Variants in TMEM123 observed in about 807,000 individuals in gnomAD.
TMEM123 encodes the protein porimin.
A neutral mutation model predicts 19.7 loss-of-function variants in TMEM123; 16 were observed. That is an observed-to-expected ratio of 0.81 (90% confidence interval 0.55 to 1.23). The LOEUF (loss-of-function observed/expected upper bound fraction) is 1.23. Ranked by LOEUF, TMEM123 falls within the 50% of genes most tolerant of loss-of-function variation. The pLI is 0.00. For synonymous variants in TMEM123, 118 were observed against 99.4 expected (o/e 1.19, Z -1.12); for missense variants, 313 against 257.8 (o/e 1.21, Z -1.47).
chr11:102,438,215 G>A (rs1034844239), intron 2 of TMEM123, among the ~76,000 whole-genome samples: 4 of 151,988 alleles, frequency 2.6e-5, no homozygotes, highest in African/African-American at 9.7e-5. Context: ...ACCACACCCA[G>A]CTAATTTTTG....
At chr11:102,438,364 A>G (rs1258814966) in intron 2 of TMEM123, among the ~76,000 whole-genome samples, 1 of 152,106 alleles carries the variant, frequency 6.6e-6, no homozygotes, top group Non-Finnish European at 1.5e-5. Context: ...TTTATTTTTA[A>G]TCACAACCCA....
chr11:102,444,048 C>A (rs1857856048), intron 2 of TMEM123, among the ~76,000 whole-genome samples: 1 of 152,156 alleles, frequency 6.6e-6, no homozygotes, highest in Non-Finnish European at 1.5e-5. Context: ...CAGGAAACAA[C>A]AGATGCTGGA....
intron 1 of TMEM123, 36 bp from the exon 2 acceptor site, chr11:102,448,904 C>T (rs1340800856): frequency 3.1e-6 from 5 of 1,602,346 alleles, no homozygotes; most frequent in Admixed American, 1.7e-5. Flanking sequence ...TATGAAAGAA[C>T]ATTTAACTAA....
At chr11:102,449,364 T>C (rs1300590591) in intron 1 of TMEM123, 1 of 153,608 alleles carries the variant, frequency 6.5e-6, no homozygotes, top group African/African-American at 2.4e-5. Context: ...AGGGTTTTAA[T>C]TTTTAAATTA....
intron 4 of TMEM123, 75 bp downstream of exon 4, chr11:102,401,464 G>A (rs938024497): frequency 1.5e-6 from 2 of 1,363,116 alleles, no homozygotes; most frequent in Non-Finnish European, 2.0e-6. Context: ...GATGAGCACT[G>A]GCTTGATATT....
intron 1 of TMEM123, chr11:102,449,156 T>C: frequency 3.1e-6 from 1 of 318,306 alleles, no homozygotes; most frequent in Non-Finnish European, 6.2e-6. Context: ...CCAAAATTCA[T>C]TTACCCACAC....
At position 102,448,597 on chromosome 11, in the gene TMEM123, T is replaced by C. The variant is rs577850; in HGVS notation, c.157+215A>G. Among the ~76,000 whole-genome samples the C allele has an allele frequency of 0.83, 125,962 of 152,182 alleles. 52,783 individuals are homozygous for C. The highest frequency in any genetic ancestry group is 0.99 in the East Asian group (5,149 of 5,188). On this transcript the variant is annotated intron_variant, in intron 2 of 4. Coordinates refer to ENST00000398136, the MANE Select transcript of TMEM123 (RefSeq NM_052932.3). The stretch of plus-strand genomic sequence containing the variant: ...GATACACTTTTTGTTTTAGAATTTA[T>C]TGACATCTTTACAAGACTGAGGAAG...
chr11:102,431,635 T>G (rs937425507), intron 2 of TMEM123, among the ~76,000 whole-genome samples: 23 of 152,256 alleles, frequency 1.5e-4, no homozygotes, highest in African/African-American at 5.3e-4. Flanking sequence ...CATTTGCTTT[T>G]TTAAAGCTGA....
intron 2 of TMEM123, among the ~76,000 whole-genome samples, chr11:102,439,961 CAAAT>C (rs1239196129): frequency 6.6e-6 from 1 of 151,924 alleles, no homozygotes; most frequent in African/African-American, 2.4e-5. Flanking sequence ...GATTGAAGAT[CAAAT>C]GAATGAAATG....
Position 102,431,404 on chromosome 11 carries a change from A to G in TMEM123, c.157+17408T>C, listed in dbSNP as rs374468001. On this transcript the variant is annotated intron_variant, in intron 2 of 4. Coordinates refer to ENST00000398136, the MANE Select transcript of TMEM123 (RefSeq NM_052932.3). ...CTCAAATACTTATTTTTGTGGTGAG[A>G]ACATTGAAATTTTACTCAGCGATTT... Among the ~76,000 whole-genome samples the G allele has an allele frequency of 3.3e-5, 5 of 152,332 alleles. No individual in the cohort carries two copies. In the East Asian group the frequency reaches 9.6e-4, roughly 29 times the overall value.
chr11:102,449,128 C>G (rs562685635), intron 1 of TMEM123: 29 of 339,098 alleles, frequency 8.6e-5, no homozygotes, highest in African/African-American at 4.4e-4. Context: ...ATACCAGCCA[C>G]CGAATGCAAC....
chr11:102,412,948 G>A (rs546921932), intron 2 of TMEM123, among the ~76,000 whole-genome samples: 4 of 152,216 alleles, frequency 2.6e-5, no homozygotes, highest in South Asian at 2.1e-4. Flanking sequence ...CCCAAAGGAT[G>A]AGAAAATAAG....
rs764066269 is a variant in TMEM123, at chr11:102,401,643, A to G, written c.498T>C (p.Thr166=). 11 of 1,608,078 alleles carry G rather than the reference A, an allele frequency of 6.8e-6. No homozygotes were observed. Among genetic ancestry groups the G allele is most frequent in the Non-Finnish European group, 8.5e-6 (10 of 1,178,638 alleles). ...SEAKKGSKFD[T]GSFVGGIVLT... is the part of the protein sequence containing the mutation. Reference sequence around the variant, plus strand: ...ATACAATACCACCAACAAAGCTCCCAGTATCAAATTTTGATCCTTTCTTTG... The same window carrying G: ...ATACAATACCACCAACAAAGCTCCCGGTATCAAATTTTGATCCTTTCTTTG... The change falls in exon 4 of 5, where the codon ACT becomes ACC. Residue 166 remains threonine (T), a synonymous_variant. Transcript: ENST00000398136.
At chr11:102,438,802 G>T (rs748952509) in intron 2 of TMEM123, among the ~76,000 whole-genome samples, 1 of 152,224 alleles carries the variant, frequency 6.6e-6, no homozygotes, top group Non-Finnish European at 1.5e-5. Context: ...TGCATCACCC[G>T]GGAAGCACAA....
intron 2 of TMEM123, among the ~76,000 whole-genome samples, chr11:102,445,495 A>G (rs975302215): frequency 3.3e-5 from 5 of 152,236 alleles, no homozygotes; most frequent in Admixed American, 1.3e-4. Context: ...AACTCACAGA[A>G]AGTTTCCATC....
intron 2 of TMEM123, among the ~76,000 whole-genome samples, chr11:102,414,727 C>T (rs1952030726): frequency 6.6e-6 from 1 of 152,186 alleles, no homozygotes; most frequent in Non-Finnish European, 1.5e-5. Flanking sequence ...AGGGCTATTA[C>T]AAGCCACCAC....
At chr11:102,439,419 A>G (rs1857800130) in intron 2 of TMEM123, among the ~76,000 whole-genome samples, 1 of 152,126 alleles carries the variant, frequency 6.6e-6, no homozygotes. Context: ...TGCTGGTGAT[A>G]GCCAGGCAAA....
At chr11:102,437,868 T>C (rs1857780548) in intron 2 of TMEM123, among the ~76,000 whole-genome samples, 1 of 152,166 alleles carries the variant, frequency 6.6e-6, no homozygotes, top group South Asian at 2.1e-4. Context: ...TCAGGGCTTC[T>C]GCCTGGAATG....
intron 2 of TMEM123, among the ~76,000 whole-genome samples, chr11:102,434,772 C>T (rs927008053): frequency 1.3e-5 from 2 of 151,800 alleles, no homozygotes; most frequent in Non-Finnish European, 2.9e-5. Flanking sequence ...ATCATGTGGT[C>T]TGATATCAGG....
Sources: gnomAD v4.1 joint callset for allele counts (sites outside exome capture counted in the v4.1 genomes callset) on GRCh38, gnomAD v4.1.1 for gene constraint, MANE v1.5 for transcripts, NCBI Gene and HGNC (gene_info 2026-07-23, HGNC 2026-07-21) for gene names.